PARD3B: variants seen among roughly 807,000 people sequenced by gnomAD.
PARD3B encodes partitioning defective 3 homolog B.
A neutral mutation model predicts 130.2 loss-of-function variants in PARD3B; 103 were observed. The ratio of observed to expected loss-of-function variants is 0.79; its 90% CI spans 0.67 to 0.93. PARD3B has a LOEUF of 0.93. Among genes scored for constraint, PARD3B ranks in the 40% least tolerant of loss-of-function variants. The pLI, the probability that PARD3B is intolerant of heterozygous loss-of-function variation, is 0.00. For synonymous variants in PARD3B, 583 were observed against 553.2 expected, an observed-to-expected ratio of 1.05 and a Z score of -0.76; for missense variants, 1,609 against 1,499.2, an observed-to-expected ratio of 1.07 and a Z score of -1.21.
At chr2:205,471,360 T>C (rs1246805863) in intron 20 of PARD3B, among the ~76,000 whole-genome samples, 7 of 146,498 alleles carry the variant, frequency 4.8e-5, no homozygotes, top group Middle Eastern at 3.2e-3. Context: ...TTTCTTTTTT[T>C]TTTTTTTTTT....
chr2:204,835,894 A>G (rs916691458), intron 2 of PARD3B, among the ~76,000 whole-genome samples: 7 of 152,238 alleles, frequency 4.6e-5, no homozygotes, highest in Non-Finnish European at 7.3e-5. Context: ...AGGCTAAGCT[A>G]TGGCGTGTTC....
Position 205,300,533 on chromosome 2 carries a change from C to G in PARD3B, c.2189C>G (p.Ser730Cys). The stretch of plus-strand genomic sequence containing the variant: ...CCTTTTGCCCTTTCTTTTCCAGAAT[C>G]TCCAAGCAAAGATTTTGGTCCAACT... ...VHSLAGQKSE[S>C]PSKDFGPTLG... is the part of the protein sequence containing the mutation. Residue 730 changes from serine to cysteine, a missense_variant, in exon 17 of 23, where the codon TCT becomes TGT. Transcript: ENST00000406610. The surrounding 1 kb of genome is among the most constrained non-coding windows in gnomAD (Gnocchi z 4.1). 6.2e-7 allele frequency: 1 copy of G among 1,612,932 alleles called. No homozygotes were observed. The highest frequency in any genetic ancestry group is 8.5e-7 in the Non-Finnish European group (1 of 1,179,466).
intron 20 of PARD3B, among the ~76,000 whole-genome samples, chr2:205,475,521 T>C (rs1023116986): frequency 6.6e-6 from 1 of 152,176 alleles, no homozygotes; most frequent in Non-Finnish European, 1.5e-5. Flanking sequence ...TAGCCTATTG[T>C]TGAAATGTCA....
chr2:204,852,166 C>T (rs2044733458), intron 2 of PARD3B, among the ~76,000 whole-genome samples: 1 of 148,852 alleles, frequency 6.7e-6, no homozygotes, highest in African/African-American at 2.5e-5. Flanking sequence ...GGTTTCTTGC[C>T]ACAAGTTTTT....
intron 1 of PARD3B, among the ~76,000 whole-genome samples, chr2:204,644,427 G>A (rs999488741): frequency 1.2e-4 from 18 of 152,178 alleles, no homozygotes; most frequent in Admixed American, 5.2e-4. Flanking sequence ...GCTTTCATGT[G>A]TGGTCTTGGA....
At chr2:205,430,407 A>G (rs2047290950) in intron 19 of PARD3B, among the ~76,000 whole-genome samples, 1 of 152,214 alleles carries the variant, frequency 6.6e-6, no homozygotes, top group Non-Finnish European at 1.5e-5. Flanking sequence ...GCACTGTCCA[A>G]TATGATAAAC....
At chr2:204,729,540 G>A (rs6716067) in intron 2 of PARD3B, among the ~76,000 whole-genome samples, 3 of 151,902 alleles carry the variant, frequency 2.0e-5, no homozygotes, top group Admixed American at 6.6e-5. Flanking sequence ...ATGTGATACC[G>A]AGCAGACATC....
intron 2 of PARD3B, among the ~76,000 whole-genome samples, chr2:204,718,541 T>C (rs920529684): frequency 1.4e-4 from 21 of 152,164 alleles, no homozygotes; most frequent in African/African-American, 4.3e-4. Flanking sequence ...AGTCACCTCC[T>C]GTCAGGGCCC....
chr2:204,640,910 A>G (rs886688514), intron 1 of PARD3B, among the ~76,000 whole-genome samples: 47 of 148,124 alleles, frequency 3.2e-4, no homozygotes, highest in African/African-American at 1.2e-3. Context: ...TATTTTATAT[A>G]TATATTTACT....
chr2:205,505,349 C>A (rs2050318555), intron 21 of PARD3B, among the ~76,000 whole-genome samples: 1 of 151,820 alleles, frequency 6.6e-6, no homozygotes, highest in Non-Finnish European at 1.5e-5. Flanking sequence ...ATGTAACAAA[C>A]CTGCACGCTG....
At chr2:205,088,038 C>G (rs1286964436) in intron 4 of PARD3B, among the ~76,000 whole-genome samples, 1 of 152,176 alleles carries the variant, frequency 6.6e-6, no homozygotes, top group Non-Finnish European at 1.5e-5. Context: ...GCAATGGCAT[C>G]TAGATGAATG....
intron 2 of PARD3B, among the ~76,000 whole-genome samples, chr2:204,756,459 A>G (rs2040678456): frequency 6.6e-6 from 1 of 152,180 alleles, no homozygotes; most frequent in Non-Finnish European, 1.5e-5. Context: ...CTTTATTTGA[A>G]TAAATAAATC....
chr2:205,388,589 T>TTGTAATTAAA (rs1267452170), intron 18 of PARD3B, among the ~76,000 whole-genome samples: 2 of 152,232 alleles, frequency 1.3e-5, no homozygotes, highest in Non-Finnish European at 2.9e-5. Flanking sequence ...CTGTTAGAAA[T>TTGTAATTAAA]CAAGTTGTTG....
At chr2:204,621,702 G>T (rs2034308470) in intron 1 of PARD3B, among the ~76,000 whole-genome samples, 1 of 152,040 alleles carries the variant, frequency 6.6e-6, no homozygotes, top group Admixed American at 6.5e-5. Flanking sequence ...GCTTTCTGTG[G>T]TCTCTGCCCA....
At chr2:204,923,468 A>C (rs143127435) in intron 2 of PARD3B, among the ~76,000 whole-genome samples, 1 of 152,120 alleles carries the variant, frequency 6.6e-6, no homozygotes, top group African/African-American at 2.4e-5. Flanking sequence ...TTTTAACTTA[A>C]AAATATATTC....
intron 19 of PARD3B, among the ~76,000 whole-genome samples, chr2:205,410,049 T>C (rs1003655736): frequency 6.6e-6 from 1 of 152,226 alleles, no homozygotes; most frequent in Non-Finnish European, 1.5e-5. Flanking sequence ...ACCTCAGAGA[T>C]ACAGGTTGAA....
At chr2:205,469,196 G>C (rs1309778066) in intron 20 of PARD3B, among the ~76,000 whole-genome samples, 1 of 152,108 alleles carries the variant, frequency 6.6e-6, no homozygotes. Context: ...CAATAAATAT[G>C]TATCGAATGA....
Position 205,168,320 on chromosome 2 carries a change from A to AGAGAGAGAGAGAGAGAGAGAGAGTGT in PARD3B, c.1621-3890_1621-3889insAGAGAGAGAGAGAGAGAGAGAGTGTG, listed in dbSNP as rs371904121. On this transcript the variant is annotated intron_variant, in intron 11 of 22. Transcript: ENST00000406610. ...GAGAGAGAGAGAGAGAGAGAGAGAGAGTGTGTGTGTGTGAATATTGCAAGC... is the reference window on the plus strand; with the variant it reads ...GAGAGAGAGAGAGAGAGAGAGAGAGAGAGAGAGAGAGAGAGAGAGAGAGTGTGTGTGTGTGTGTGAATATTGCAAGC... Among the ~76,000 whole-genome samples, 154 of 119,726 alleles carry AGAGAGAGAGAGAGAGAGAGAGAGTGT rather than the reference A, an allele frequency of 1.3e-3. 2 individuals are homozygous for AGAGAGAGAGAGAGAGAGAGAGAGTGT. The highest frequency in any genetic ancestry group is 4.6e-3 in the African/African-American group (136 of 29,612). The allele number at this position is 119,726 out of a possible 152,430, so 78.5% of individuals were successfully genotyped here. A position where few individuals can be genotyped will look rare whatever the true frequency, so the allele number is the denominator to read the frequency against.
intron 1 of PARD3B, among the ~76,000 whole-genome samples, chr2:204,575,994 G>T (rs147589945): frequency 6.6e-6 from 1 of 152,032 alleles, no homozygotes; most frequent in Non-Finnish European, 1.5e-5. Flanking sequence ...GTCTAATATC[G>T]TATCTCTGTA....
Sources: gnomAD v4.1 joint callset for allele counts (sites outside exome capture counted in the v4.1 genomes callset) on GRCh38, gnomAD v4.1.1 for gene constraint, Gnocchi (gnomAD v3.1) non-coding constraint, MANE v1.5 for transcripts, NCBI Gene and HGNC (gene_info 2026-07-23, HGNC 2026-07-21) for gene names.